The following DYNC2I1 variants were observed in gnomAD, a reference collection of about 807,000 sequenced individuals.
The protein encoded by DYNC2I1 is dynein 2 intermediate chain 1, also known as cytoplasmic dynein 2 intermediate chain 1.
Under a neutral mutation model 133.4 loss-of-function variants are expected in DYNC2I1, and 89 were observed. The ratio of observed to expected loss-of-function variants is 0.67; its 90% CI spans 0.56 to 0.80. The LOEUF (loss-of-function observed/expected upper bound fraction) is 0.80. DYNC2I1 is among the 30% of genes least tolerant of loss of function. The pLI, the probability that DYNC2I1 is intolerant of heterozygous loss-of-function variation, is 0.00. For synonymous variants in DYNC2I1, 504 were observed against 484.3 expected (o/e 1.04, Z -0.54); for missense variants, 1,291 against 1,314.5 (o/e 0.98, Z 0.28).
chr7:158,902,554 A>G lies in DYNC2I1; in HGVS notation c.1316A>G (p.Gln439Arg). 1 of 1,614,038 alleles carries G rather than the reference A, an allele frequency of 6.2e-7. No individual in the cohort carries two copies. The highest frequency in any genetic ancestry group is 1.1e-5 in the South Asian group (1 of 91,086). ...GGCGAGTTATCTTTGAAACTGTTTCAGAAGCGAGGTAGAACAGAATTTGAA... is the reference window on the plus strand; with the variant it reads ...GGCGAGTTATCTTTGAAACTGTTTCGGAAGCGAGGTAGAACAGAATTTGAA... Reference protein sequence around the residue: ...RIGELSLKLFQKRGRTEFEKE... With the variant: ...RIGELSLKLFRKRGRTEFEKE... The change falls in exon 10 of 25, where the codon CAG becomes CGG. Residue 439 changes from glutamine (Q) to arginine (R), a missense_variant. Gln to Arg is a conservative substitution (Grantham distance 43). Transcript: ENST00000407559.
chr7:158,950,949 A>C (rs959237145), downstream of DYNC2I1, among the ~76,000 whole-genome samples: 1 of 152,172 alleles, frequency 6.6e-6, no homozygotes, highest in Non-Finnish European at 1.5e-5. Flanking sequence ...ACCAGCCTCT[A>C]TATGATTCCA....
At chr7:158,887,629 G>T (rs1844729434) in intron 7 of DYNC2I1, among the ~76,000 whole-genome samples, 1 of 152,198 alleles carries the variant, frequency 6.6e-6, no homozygotes, top group South Asian at 2.1e-4. Flanking sequence ...TACTAAAACT[G>T]CTGGAAGCAG....
rs1846775026 is a variant in DYNC2I1, at chr7:158,906,061, A to G, written c.1430A>G (p.Gln477Arg). The change falls in exon 11 of 25, where the codon CAA becomes CGA. Residue 477 changes from glutamine (Q) to arginine (R), a missense_variant. Physicochemically the swap from Gln to Arg is conservative, Grantham distance 43 (BLOSUM62 1). Coordinates refer to ENST00000407559, the MANE Select transcript of DYNC2I1 (RefSeq NM_018051.5). ...FVDFASASHR[Q>R]KSRTQALKQK... is the part of the protein sequence containing the mutation. Reference sequence around the variant, plus strand: ...GATTTTGCCTCAGCTTCACACCGTCAAAAGAGTCGGACTCAGGCCCTTAAG... The same window carrying G: ...GATTTTGCCTCAGCTTCACACCGTCGAAAGAGTCGGACTCAGGCCCTTAAG... 1 of 1,613,660 alleles carries G rather than the reference A, an allele frequency of 6.2e-7. No homozygotes were observed. The highest frequency in any genetic ancestry group is 1.7e-5 in the Admixed American group (1 of 59,972).
intron 8 of DYNC2I1, among the ~76,000 whole-genome samples, chr7:158,893,146 G>C (rs1410331703): frequency 6.6e-6 from 1 of 152,100 alleles, no homozygotes; most frequent in Non-Finnish European, 1.5e-5. Context: ...CATTCTGTGG[G>C]TTTGGACAAA....
chr7:158,884,880 T>C (rs562932637), intron 6 of DYNC2I1, among the ~76,000 whole-genome samples: 14 of 152,352 alleles, frequency 9.2e-5, no homozygotes, highest in African/African-American at 3.4e-4. Flanking sequence ...TTCATTTTAA[T>C]ATTATTGTTT....
In DYNC2I1 at chr7:158,876,359, G is replaced by A. The variant is rs147911172; in HGVS notation, c.491-250G>A. On this transcript the variant is annotated intron_variant, in intron 3 of 24. Transcript: ENST00000407559. ...TCAGCATTGGGGACTACATTTCAGC[G>A]TGAGATTTGGGTGGGGACACAGATC... Among the ~76,000 whole-genome samples the A allele has an allele frequency of 1.2e-3, 181 of 152,260 alleles. 1 individual carries two copies. The highest frequency in any genetic ancestry group is 4.0e-3 in the African/African-American group (165 of 41,560).
chr7:158,842,671 G>A, the DYNC2I1 span, among the ~76,000 whole-genome samples: 2 of 152,354 alleles, frequency 1.3e-5, no homozygotes, highest in South Asian at 2.1e-4. Flanking sequence ...GAGTGGAAGT[G>A]AAGAAGGTCA....
intron 4 of DYNC2I1, chr7:158,956,576 T>G (rs1368157220): frequency 1.3e-5 from 2 of 152,296 alleles, no homozygotes; most frequent in Non-Finnish European, 2.9e-5. Flanking sequence ...TTCTCCTTTT[T>G]GCTTAGGCTG....
chr7:158,884,300 C>A (rs1844379994), intron 5 of DYNC2I1, among the ~76,000 whole-genome samples: 1 of 152,176 alleles, frequency 6.6e-6, no homozygotes, highest in South Asian at 2.1e-4. Flanking sequence ...CCGCCTTGGC[C>A]TCCCAAAGTG....
intron 10 of DYNC2I1, chr7:158,903,851 T>G (rs886563053): frequency 3.9e-5 from 6 of 152,240 alleles, no homozygotes; most frequent in African/African-American, 1.4e-4. Flanking sequence ...CCTTTTTTTG[T>G]TACTCATTTT....
intron 4 of DYNC2I1, among the ~76,000 whole-genome samples, chr7:158,952,841 TCC>T (rs1268168268): frequency 1.9e-5 from 1 of 53,356 alleles, no homozygotes; most frequent in African/African-American, 4.3e-5. Flanking sequence ...GAGGGGACTC[TCC>T]TCAGCACCCT....
At chr7:158,877,673 T>C (rs1843493459) in intron 4 of DYNC2I1, among the ~76,000 whole-genome samples, 2 of 152,244 alleles carry the variant, frequency 1.3e-5, no homozygotes, top group Admixed American at 6.5e-5. Flanking sequence ...TATTTACCAC[T>C]TGTGTACTTT....
chr7:158,903,008 G>A (rs116625261), intron 10 of DYNC2I1: 12 of 169,194 alleles, frequency 7.1e-5, no homozygotes, highest in East Asian at 1.7e-4. Context: ...CGTTTTATCC[G>A]TCTGTGAGCA....
At chr7:158,852,950 TTTTG>T (rs1310299074), upstream of DYNC2I1, among the ~76,000 whole-genome samples, 1 of 152,216 alleles carries the variant, frequency 6.6e-6, no homozygotes, top group African/African-American at 2.4e-5. Flanking sequence ...GCCCTTGGCT[TTTTG>T]TTTGTTGGCT....
chr7:158,954,176 G>A (rs1852138214), intron 4 of DYNC2I1, among the ~76,000 whole-genome samples: 1 of 152,092 alleles, frequency 6.6e-6, no homozygotes, highest in Non-Finnish European at 1.5e-5. Flanking sequence ...TTTGCCTTTG[G>A]CCATGATTGT....
intron 7 of DYNC2I1, among the ~76,000 whole-genome samples, chr7:158,887,480 G>T (rs978406031): frequency 6.6e-6 from 1 of 152,162 alleles, no homozygotes; most frequent in Non-Finnish European, 1.5e-5. Context: ...AGCAAAAACT[G>T]ACAGAATTGA....
the DYNC2I1 span, among the ~76,000 whole-genome samples, chr7:158,850,843 C>A: frequency 3.6e-4 from 55 of 152,204 alleles, no homozygotes; most frequent in African/African-American, 1.3e-3. Flanking sequence ...TTGCCTGGGG[C>A]AGCAAGGAGG....
chr7:158,939,822 A>G (rs569377796), intron 23 of DYNC2I1, among the ~76,000 whole-genome samples: 2 of 152,226 alleles, frequency 1.3e-5, no homozygotes, highest in East Asian at 1.9e-4. Context: ...GGCTATACTC[A>G]TGGCAGATAA....
intron 10 of DYNC2I1, chr7:158,903,740 A>G (rs192411113): frequency 6.6e-6 from 1 of 152,176 alleles, no homozygotes; most frequent in Non-Finnish European, 1.5e-5. Context: ...AGCACACAGG[A>G]TTTCCTGACA....
Sources: allele counts gnomAD v4.1 joint callset (sites outside exome capture counted in the v4.1 genomes callset), GRCh38; gene constraint gnomAD v4.1.1; transcripts MANE v1.5; gene names NCBI Gene and HGNC (gene_info 2026-07-23, HGNC 2026-07-21).